PRDM5: variants seen among roughly 807,000 people sequenced by gnomAD.
PRDM5 encodes PR domain zinc finger protein 5.
A neutral mutation model predicts 81.2 loss-of-function variants in PRDM5; 56 were observed. The observed-to-expected ratio is 0.69, with a 90% CI of 0.56 to 0.86. PRDM5 has a LOEUF of 0.86. PRDM5 is among the 40% of genes least tolerant of loss of function. The probability of loss-of-function intolerance (pLI) is 0.00; values close to 1 mark genes in which losing one functional copy is unlikely to be tolerated. For missense variants in PRDM5, 697 were observed against 770.1 expected (o/e 0.91, Z 1.12); for synonymous variants, 267 against 256.4 (o/e 1.04, Z -0.39).
chr4:120,894,273 C>T (rs1764381123), intron 2 of PRDM5, among the ~76,000 whole-genome samples: 1 of 152,086 alleles, frequency 6.6e-6, no homozygotes. Flanking sequence ...CAGTTACTTC[C>T]CTCCAGCCAT....
At chr4:120,703,570 C>A (rs190637406) in intron 15 of PRDM5, among the ~76,000 whole-genome samples, 102 of 152,234 alleles carry the variant, frequency 6.7e-4, no homozygotes, top group African/African-American at 2.4e-3. Flanking sequence ...CTATTTCATC[C>A]CAGTGTCCAG....
At chr4:120,747,289 TG>T (rs1187854237) in intron 14 of PRDM5, among the ~76,000 whole-genome samples, 9 of 69,522 alleles carry the variant, frequency 1.3e-4, no homozygotes, top group Non-Finnish European at 1.8e-4. Flanking sequence ...TGTTGTGGGG[TG>T]GGGGGAGGGG....
chr4:120,818,290 T>C (rs1056413937), intron 5 of PRDM5, 63 bp downstream of exon 5: 1 of 1,551,996 alleles, frequency 6.4e-7, no homozygotes, highest in Non-Finnish European at 8.8e-7. Context: ...AACTATGAGT[T>C]AAGCTGAATG....
chr4:120,686,131 A>G (rs551580575), intron 1 of PRDM5, among the ~76,000 whole-genome samples: 3 of 152,138 alleles, frequency 2.0e-5, no homozygotes, highest in Non-Finnish European at 2.9e-5. Context: ...AAGGTCCCTG[A>G]GGCCTCCCCA....
intron 2 of PRDM5, among the ~76,000 whole-genome samples, chr4:120,878,664 T>C (rs1762554951): frequency 6.6e-6 from 1 of 152,142 alleles, no homozygotes. Context: ...TTTGCTGGTA[T>C]ACAAAAGATA....
chr4:120,802,574 C>T (rs552103975), intron 8 of PRDM5, among the ~76,000 whole-genome samples: 1 of 152,366 alleles, frequency 6.6e-6, no homozygotes, highest in Non-Finnish European at 1.5e-5. Context: ...GCAGCCTCTG[C>T]TGCTGATACC....
intron 11 of PRDM5, among the ~76,000 whole-genome samples, chr4:120,781,600 G>A (rs1749046479): frequency 6.6e-6 from 1 of 152,104 alleles, no homozygotes; most frequent in South Asian, 2.1e-4. Context: ...TCTACAGCGG[G>A]GGCTGGGATT....
chr4:120,727,303 ATGTGTGTG>A (rs34504620), intron 14 of PRDM5, among the ~76,000 whole-genome samples: 1 of 150,682 alleles, frequency 6.6e-6, no homozygotes, highest in South Asian at 2.1e-4. Context: ...GTATGTATAT[ATGTGTGTG>A]TGTGTGTGTG....
intron 14 of PRDM5, among the ~76,000 whole-genome samples, chr4:120,720,044 C>T (rs1738365325): frequency 6.6e-6 from 1 of 152,160 alleles, no homozygotes; most frequent in African/African-American, 2.4e-5. Flanking sequence ...CACAAAAACG[C>T]AGACTGGTGA....
chr4:120,737,408 C>A (rs541371892), intron 14 of PRDM5, among the ~76,000 whole-genome samples: 117 of 152,300 alleles, frequency 7.7e-4, no homozygotes, highest in South Asian at 6.2e-4. Flanking sequence ...GGAAGGGCAA[C>A]TGAGAGCTAA....
intron 3 of PRDM5, among the ~76,000 whole-genome samples, chr4:120,837,116 A>G (rs962154985): frequency 6.6e-6 from 1 of 152,150 alleles, no homozygotes; most frequent in African/African-American, 2.4e-5. Context: ...TCAGTCCAAT[A>G]CTAAGTCTAA....
In PRDM5 at chr4:120,746,052, C is replaced by T. The variant is rs1295503689; in HGVS notation, c.1623+8501G>A. Among the ~76,000 whole-genome samples, 418 of 143,774 alleles carry T rather than the reference C, an allele frequency of 2.9e-3. 1 individual carries two copies. The highest frequency in any genetic ancestry group is 6.2e-3 in the South Asian group (27 of 4,358). 94.3% of individuals were successfully genotyped at this position (143,774 alleles called of 152,430 possible). A position where few individuals can be genotyped will look rare whatever the true frequency, so the allele number is the denominator to read the frequency against. ...AAACTATACTACAAGGCTACAGTAA[C>T]CAAAACAGCATGGTACTGGTACCAA... is the stretch of plus-strand genomic sequence containing the variant. On this transcript the variant is annotated intron_variant, in intron 14 of 15. Transcript: ENST00000264808.
At chr4:120,795,600 A>C (rs1225729837) in intron 10 of PRDM5, among the ~76,000 whole-genome samples, 7 of 147,778 alleles carry the variant, frequency 4.7e-5, no homozygotes, top group Non-Finnish European at 1.1e-4. Context: ...AAAAAAAAAA[A>C]AAACACCCCT....
At chr4:120,821,044 ATT>A in intron 4 of PRDM5, 125 bp downstream of exon 4, 1 of 1,161,780 alleles carries the variant, frequency 8.6e-7, no homozygotes, top group South Asian at 1.2e-5. Context: ...CTCGAGAATA[ATT>A]TTGACAAAAA....
At chr4:120,900,674 G>A (rs1431287717) in intron 2 of PRDM5, among the ~76,000 whole-genome samples, 1 of 152,030 alleles carries the variant, frequency 6.6e-6, no homozygotes, top group Non-Finnish European at 1.5e-5. Context: ...ATAACAGAAG[G>A]AGCCCCAACT....
At chr4:120,840,756 T>C (rs1757939029) in intron 3 of PRDM5, among the ~76,000 whole-genome samples, 1 of 152,150 alleles carries the variant, frequency 6.6e-6, no homozygotes, top group Non-Finnish European at 1.5e-5. Context: ...CCCGGACACA[T>C]CATGGTGGCC....
chr4:120,754,850 C>T (rs1008934642), intron 13 of PRDM5, among the ~76,000 whole-genome samples: 2 of 152,154 alleles, frequency 1.3e-5, no homozygotes, highest in African/African-American at 4.8e-5. Context: ...GGCACTGAGC[C>T]CAGAGCACTT....
chr4:120,796,042 A>G (rs1561267879), intron 10 of PRDM5, among the ~76,000 whole-genome samples: 1 of 152,198 alleles, frequency 6.6e-6, no homozygotes. Flanking sequence ...AAATGTATAT[A>G]TTATATTCTC....
intron 2 of PRDM5, chr4:120,897,183 A>G (rs1032542763): frequency 7.2e-5 from 11 of 152,294 alleles, no homozygotes; most frequent in African/African-American, 2.6e-4. Context: ...TGACTCAAAG[A>G]ATCAGGTCAC....
Sources: gnomAD v4.1 joint callset for allele counts (sites outside exome capture counted in the v4.1 genomes callset) on GRCh38, gnomAD v4.1.1 for gene constraint, MANE v1.5 for transcripts, NCBI Gene and HGNC (gene_info 2026-07-23, HGNC 2026-07-21) for gene names.